The following ZDHHC3 variants were observed in gnomAD, a reference collection of about 807,000 sequenced individuals.
The protein encoded by ZDHHC3 is palmitoyltransferase ZDHHC3.
ZDHHC3 carries 9 observed loss-of-function variants against 30.6 expected under a neutral mutation model. That is an observed-to-expected ratio of 0.29 (90% CI 0.18 to 0.51). ZDHHC3 has a LOEUF of 0.51. Among genes scored for constraint, ZDHHC3 ranks in the 20% least tolerant of loss-of-function variants. The pLI is 0.97. For synonymous variants in ZDHHC3, 136 were observed against 140.2 expected, an observed-to-expected ratio of 0.97 and a Z score of 0.21; for missense variants, 246 against 384.2, an observed-to-expected ratio of 0.64 and a Z score of 3.01.
rs1700290860 is a variant in ZDHHC3 at position 44,917,846 on chromosome 3, G to A, written c.*8843C>T. 3.9e-6 allele frequency: 5 copies of A among 1,284,628 alleles called. No homozygotes were observed. The highest frequency in any genetic ancestry group is 5.6e-5 in the East Asian group (1 of 17,914). The allele number at this position is 1,284,628 out of a possible 1,614,324, so 79.6% of individuals were successfully genotyped here. ...GCCCCTTTAGCCAAAACCCCAGGATGAAGGTTGACAGCACTTTTTAGTGTT... is the reference window on the plus strand; with the variant it reads ...GCCCCTTTAGCCAAAACCCCAGGATAAAGGTTGACAGCACTTTTTAGTGTT... On this transcript the variant is annotated 3_prime_UTR_variant, in exon 7 of 7. Transcript: ENST00000424952.
chr3:44,947,041 G>T (rs947638179), intron 2 of ZDHHC3, among the ~76,000 whole-genome samples: 1 of 152,210 alleles, frequency 6.6e-6, no homozygotes, highest in South Asian at 2.1e-4. Context: ...TGAATTACGA[G>T]GATGGAGCGG....
At chr3:44,961,110 C>T (rs1164310118) in intron 1 of ZDHHC3, among the ~76,000 whole-genome samples, 1 of 152,168 alleles carries the variant, frequency 6.6e-6, no homozygotes, top group Non-Finnish European at 1.5e-5. Flanking sequence ...ATAACCATCT[C>T]GGCCGGGCGC....
In ZDHHC3 at chr3:44,923,336, A is replaced by G. The variant is rs1700743426; in HGVS notation, c.*3353T>C. On this transcript the variant is annotated 3_prime_UTR_variant, in exon 7 of 7. Coordinates refer to ENST00000424952, the MANE Select transcript of ZDHHC3 (RefSeq NM_001135179.2). ...CGTGATCTGCCCGCCTCGGCCTCCCAAAGTGCTGGGATTACAGGCGTGAGG... is the reference window on the plus strand; with the variant it reads ...CGTGATCTGCCCGCCTCGGCCTCCCGAAGTGCTGGGATTACAGGCGTGAGG... 1.0e-6 allele frequency: 1 copy of G among 985,106 alleles called. No individual in the cohort carries two copies. The highest frequency in any genetic ancestry group is 1.2e-6 in the Non-Finnish European group (1 of 829,798). The allele number at this position is 985,106 out of a possible 1,614,324, so 61.0% of individuals were successfully genotyped here.
chr3:44,942,269 G>A (rs1220928694), intron 3 of ZDHHC3, among the ~76,000 whole-genome samples: 1 of 152,252 alleles, frequency 6.6e-6, no homozygotes, highest in African/African-American at 2.4e-5. Context: ...AGTCTGTCTG[G>A]TATGCTGGAG....
In ZDHHC3 at chr3:44,924,182, T is replaced by C. The variant is rs1559647154; in HGVS notation, c.*2507A>G. ...ACCAAGCCAAAAGTTGGGGCTGACT[T>C]TGTGTAGAAAGATGTCCTCTTTCAT... On this transcript the variant is annotated 3_prime_UTR_variant, in exon 7 of 7. Coordinates refer to ENST00000424952, the MANE Select transcript of ZDHHC3 (RefSeq NM_001135179.2). 1.0e-6 allele frequency: 1 copy of C among 985,388 alleles called. No individual in the cohort carries two copies. The highest frequency in any genetic ancestry group is 1.2e-6 in the Non-Finnish European group (1 of 829,920). The allele number at this position is 985,388 out of a possible 1,614,324, so 61.0% of individuals were successfully genotyped here.
chr3:44,964,420 T>C (rs971160856), intron 1 of ZDHHC3, among the ~76,000 whole-genome samples: 5 of 152,112 alleles, frequency 3.3e-5, no homozygotes, highest in Admixed American at 1.3e-4. Context: ...AGGGGCAGGA[T>C]GACCAGGGCT....
In ZDHHC3 at chr3:44,929,429, G is replaced by A; in HGVS notation, c.618C>T (p.Ser206=). Residue 206 remains serine, a synonymous_variant, in exon 6 of 7, where the codon AGC becomes AGT. Coordinates refer to ENST00000424952, the MANE Select transcript of ZDHHC3 (RefSeq NM_001135179.2). ...TCACTGTGGTGGGTGGAGAGAAGGA[G>A]CTGCACTCTGAAAGAGAAGCAGCAC... is the stretch of plus-strand genomic sequence containing the variant. ...HCFEEDWTKC[S]SFSPPTTVIL... 6.2e-7 allele frequency: 1 copy of A among 1,613,968 alleles called. No individual in the cohort carries two copies. The highest frequency in any genetic ancestry group is 8.5e-7 in the Non-Finnish European group (1 of 1,179,916).
At chr3:44,970,792 T>C (rs1406210457) in intron 1 of ZDHHC3, among the ~76,000 whole-genome samples, 3 of 152,200 alleles carry the variant, frequency 2.0e-5, no homozygotes, top group East Asian at 1.9e-4. Flanking sequence ...TAGCAAAATA[T>C]ATCAAGTATA....
At chr3:44,949,377 T>C (rs1703235525) in intron 2 of ZDHHC3, among the ~76,000 whole-genome samples, 4 of 152,122 alleles carry the variant, frequency 2.6e-5, no homozygotes, top group Admixed American at 2.6e-4. Flanking sequence ...TAATCTTAGC[T>C]ACTTGGGAGG....
chr3:44,934,086 G>T, intron 3 of ZDHHC3, 102 bp from the exon 4 acceptor site: 1 of 1,121,472 alleles, frequency 8.9e-7, no homozygotes. Context: ...CCTCTGAAAT[G>T]GCTTCCTTGG....
intron 2 of ZDHHC3, among the ~76,000 whole-genome samples, chr3:44,955,946 TG>T (rs1703917179): frequency 1.3e-5 from 2 of 152,226 alleles, no homozygotes; most frequent in Admixed American, 1.3e-4. Context: ...TCTTCATTTT[TG>T]GGGCCAGTTA....
Position 44,924,642 on chromosome 3 carries a change from C to T in ZDHHC3, c.*2047G>A, listed in dbSNP as rs978927268. 1.0e-6 allele frequency: 1 copy of T among 985,340 alleles called. No homozygotes were observed. The highest frequency in any genetic ancestry group is 6.1e-5 in the Admixed American group (1 of 16,268). The allele number at this position is 985,340 out of a possible 1,614,324, so 61.0% of individuals were successfully genotyped here. Reference sequence around the variant, plus strand: ...AGGGGAAAAGAGCTAACCTGGCTCACTTTAAAAAATGCCCTGGAAGATGGA... The same window carrying T: ...AGGGGAAAAGAGCTAACCTGGCTCATTTTAAAAAATGCCCTGGAAGATGGA... On this transcript the variant is annotated 3_prime_UTR_variant, in exon 7 of 7. Transcript: ENST00000424952.
chr3:44,963,555 C>T (rs1229367111), intron 1 of ZDHHC3, among the ~76,000 whole-genome samples: 8 of 151,768 alleles, frequency 5.3e-5, no homozygotes, highest in African/African-American at 1.5e-4. Flanking sequence ...TATCCTACCC[C>T]TAACAAAAAC....
At chr3:44,957,132 G>T (rs1024039353) in intron 2 of ZDHHC3, among the ~76,000 whole-genome samples, 1 of 152,114 alleles carries the variant, frequency 6.6e-6, no homozygotes, top group Admixed American at 6.5e-5. Context: ...TGACTTCTTA[G>T]ACCACCTTGA....
chr3:44,918,037 G>C lies in ZDHHC3; in HGVS notation c.*8652C>G. Reference sequence around the variant, plus strand: ...CTCTGGCTGACACGGTCTGGAGAAGGGGTTGAACCAGTTCAGGGAGAAGTC... The same window carrying C: ...CTCTGGCTGACACGGTCTGGAGAAGCGGTTGAACCAGTTCAGGGAGAAGTC... On this transcript the variant is annotated 3_prime_UTR_variant, in exon 7 of 7. Transcript: ENST00000424952. The C allele has an allele frequency of 7.7e-7, 1 of 1,305,406 alleles. No homozygotes were observed. Among genetic ancestry groups the C allele is most frequent in the Non-Finnish European group, 1.0e-6 (1 of 988,968 alleles). 80.9% of individuals were successfully genotyped at this position (1,305,406 alleles called of 1,614,324 possible). A position where few individuals can be genotyped will look rare whatever the true frequency, so the allele number is the denominator to read the frequency against.
rs1700860787 is a variant in ZDHHC3, at chr3:44,924,870, G to GT, written c.*1818dup. 5.1e-6 allele frequency: 5 copies of GT among 985,394 alleles called. No homozygotes were observed. In the South Asian group the frequency reaches 1.9e-4, roughly 37 times the overall value. 61.0% of individuals were successfully genotyped at this position (985,394 alleles called of 1,614,324 possible). ...TAATCTTAGCATCTCAGCCTCGCCC[G>GT]TATCGCATGAATAGCACCGTAGACA... On this transcript the variant is annotated 3_prime_UTR_variant, in exon 7 of 7. Transcript: ENST00000424952.
chr3:44,956,525 T>C (rs2125901275), intron 2 of ZDHHC3, among the ~76,000 whole-genome samples: 1 of 152,296 alleles, frequency 6.6e-6, no homozygotes, highest in African/African-American at 2.4e-5. Flanking sequence ...GAGGGAAACG[T>C]GGGAGCTCTA....
Position 44,921,202 on chromosome 3 carries a change from T to C in ZDHHC3, c.*5487A>G. 2 of 980,872 alleles carry C rather than the reference T, an allele frequency of 2.0e-6. No individual in the cohort carries two copies. Among genetic ancestry groups the C allele is most frequent in the Non-Finnish European group, 2.4e-6 (2 of 829,168 alleles). 60.8% of individuals were successfully genotyped at this position (980,872 alleles called of 1,614,324 possible). The stretch of plus-strand genomic sequence containing the variant: ...GAACAAACTCACCAACACTCCAAAA[T>C]GAATGTATTAGGACTAAGGCTCCCG... On this transcript the variant is annotated 3_prime_UTR_variant, in exon 7 of 7. Coordinates refer to ENST00000424952, the MANE Select transcript of ZDHHC3 (RefSeq NM_001135179.2).
chr3:44,927,122 G>A (rs749117792), intron 6 of ZDHHC3, among the ~76,000 whole-genome samples: 8 of 152,198 alleles, frequency 5.3e-5, no homozygotes, highest in Non-Finnish European at 1.2e-4. Flanking sequence ...AGGCCGGGGT[G>A]TGTCGCTAAG....
Sources: allele counts gnomAD v4.1 joint callset (sites outside exome capture counted in the v4.1 genomes callset), GRCh38; gene constraint gnomAD v4.1.1; transcripts MANE v1.5; gene names NCBI Gene and HGNC (gene_info 2026-07-23, HGNC 2026-07-21).